The following ST3GAL6 variants were observed in gnomAD, a reference collection of about 807,000 sequenced individuals.
ST3GAL6 encodes ST3 beta-galactoside alpha-2,3-sialyltransferase 6, also known as type 2 lactosamine alpha-2,3-sialyltransferase.
Under a neutral mutation model 40.5 loss-of-function variants are expected in ST3GAL6, and 31 were observed. The ratio of observed to expected loss-of-function variants is 0.77; its 90% confidence interval spans 0.58 to 1.03. The LOEUF (loss-of-function observed/expected upper bound fraction) is 1.03, where lower values mean the gene tolerates loss of function less well. Ranked by LOEUF, ST3GAL6 falls within the 50% of genes least tolerant of loss-of-function variation. The probability of loss-of-function intolerance (pLI) is 0.00; values close to 1 mark genes in which losing one functional copy is unlikely to be tolerated. For missense variants in ST3GAL6, 357 were observed against 393.2 expected, an observed-to-expected ratio of 0.91 and a Z score of 0.78; for synonymous variants, 129 against 136.9, an observed-to-expected ratio of 0.94 and a Z score of 0.40.
At chr3:98,783,034 A>C in intron 5 of ST3GAL6, 3 of 285,738 alleles carry the variant, frequency 1.0e-5, no homozygotes, top group South Asian at 1.0e-4. Context: ...GGGGACCATC[A>C]TCCCCTCCCT....
intron 1 of ST3GAL6, among the ~76,000 whole-genome samples, chr3:98,764,116 G>T (rs1021932469): frequency 6.6e-6 from 1 of 152,100 alleles, no homozygotes; most frequent in Non-Finnish European, 1.5e-5. Context: ...TTTCTTCCTT[G>T]GTGTTGCATA....
At chr3:98,788,489 C>T (rs759387729) in intron 8 of ST3GAL6, 26 bp downstream of exon 8, 1 of 1,578,230 alleles carries the variant, frequency 6.3e-7, no homozygotes, top group African/African-American at 1.4e-5. Flanking sequence ...TGCATGGTTT[C>T]AAACTACAGA....
intron 1 of ST3GAL6, among the ~76,000 whole-genome samples, chr3:98,744,168 A>G (rs1457417634): frequency 1.3e-5 from 2 of 152,224 alleles, no homozygotes; most frequent in African/African-American, 4.8e-5. Flanking sequence ...GGAAGAGGCA[A>G]GGAAAGATTC....
intron 1 of ST3GAL6, among the ~76,000 whole-genome samples, chr3:98,748,981 A>G (rs973485628): frequency 2.0e-5 from 3 of 152,174 alleles, no homozygotes; most frequent in African/African-American, 4.8e-5. Flanking sequence ...TCACCCTACA[A>G]TTGGAACTTG....
At chr3:98,771,116 T>G (rs1491002918) in intron 3 of ST3GAL6, 160 bp downstream of exon 3, 27 of 1,517,652 alleles carry the variant, frequency 1.8e-5, no homozygotes, top group Non-Finnish European at 1.9e-5. Flanking sequence ...TTTTTGTGCT[T>G]TTAGTCAGAG....
At chr3:98,783,861 A>C in intron 5 of ST3GAL6, 1 of 203,840 alleles carries the variant, frequency 4.9e-6, no homozygotes, top group Non-Finnish European at 8.7e-6. Flanking sequence ...AAACCTTACA[A>C]TCAGATGAAC....
At chr3:98,743,792 A>G (rs1453140195) in intron 1 of ST3GAL6, among the ~76,000 whole-genome samples, 3 of 152,068 alleles carry the variant, frequency 2.0e-5, no homozygotes, top group Non-Finnish European at 4.4e-5. Flanking sequence ...TCTCTTTCAC[A>G]TTAATTAGCG....
Position 98,793,817 on chromosome 3 carries a change from T to C in ST3GAL6, c.*56T>C. 1 of 1,156,560 alleles carries C rather than the reference T, an allele frequency of 8.6e-7. No individual in the cohort carries two copies. Among genetic ancestry groups the C allele is most frequent in the Non-Finnish European group, 1.2e-6 (1 of 804,420 alleles). The allele number at this position is 1,156,560 out of a possible 1,614,324, so 71.6% of individuals were successfully genotyped here. On this transcript the variant is annotated 3_prime_UTR_variant, in exon 10 of 10. Transcript: ENST00000483910. Reference sequence around the variant, plus strand: ...TGTTAGTTTTATTTTTGTACTGCAATTTTTAGTTTAAAATATGTTGGATGC... The same window carrying C: ...TGTTAGTTTTATTTTTGTACTGCAACTTTTAGTTTAAAATATGTTGGATGC...
intron 1 of ST3GAL6, among the ~76,000 whole-genome samples, chr3:98,755,809 C>A (rs1183837345): frequency 6.6e-6 from 1 of 150,502 alleles, no homozygotes; most frequent in Non-Finnish European, 1.5e-5. Context: ...AGATTTTTTT[C>A]ATTTTTTTTT....
chr3:98,744,055 G>C (rs1936349662), intron 1 of ST3GAL6, among the ~76,000 whole-genome samples: 2 of 152,172 alleles, frequency 1.3e-5, no homozygotes, highest in South Asian at 4.1e-4. Context: ...TTAGTGTCCA[G>C]GTGAAGACAG....
At chr3:98,746,929 C>CA (rs1455298983) in intron 1 of ST3GAL6, among the ~76,000 whole-genome samples, 2 of 152,150 alleles carry the variant, frequency 1.3e-5, no homozygotes, top group African/African-American at 4.8e-5. Context: ...GTAAGTAGAT[C>CA]ATTGTTTATA....
At chr3:98,780,542 G>A (rs936414953) in intron 5 of ST3GAL6, among the ~76,000 whole-genome samples, 4 of 151,910 alleles carry the variant, frequency 2.6e-5, no homozygotes, top group South Asian at 2.1e-4. Flanking sequence ...TGGAATGGGC[G>A]TTCTAAATGA....
At chr3:98,763,840 C>T (rs1938051143) in intron 1 of ST3GAL6, among the ~76,000 whole-genome samples, 1 of 152,066 alleles carries the variant, frequency 6.6e-6, no homozygotes, top group African/African-American at 2.4e-5. Flanking sequence ...AAGCACCCAG[C>T]AGCAGGAACC....
intron 1 of ST3GAL6, chr3:98,733,249 C>A: frequency 1.0e-6 from 1 of 980,864 alleles, no homozygotes. Context: ...CCGCAGCCAC[C>A]GCCGAGAGGG....
intron 8 of ST3GAL6, among the ~76,000 whole-genome samples, chr3:98,788,785 C>G (rs1940974034): frequency 6.6e-6 from 1 of 152,184 alleles, no homozygotes; most frequent in African/African-American, 2.4e-5. Context: ...ACTGGGTGGG[C>G]TGACGGGCAG....
At chr3:98,787,270 AT>A (rs1940817204) in intron 6 of ST3GAL6, among the ~76,000 whole-genome samples, 1 of 152,218 alleles carries the variant, frequency 6.6e-6, no homozygotes, top group Admixed American at 6.5e-5. Flanking sequence ...TGGGTACAAC[AT>A]TTTGAAAGTC....
intron 5 of ST3GAL6, among the ~76,000 whole-genome samples, chr3:98,776,637 T>C (rs1367986776): frequency 6.6e-6 from 1 of 152,236 alleles, no homozygotes; most frequent in African/African-American, 2.4e-5. Flanking sequence ...CTGATATTTA[T>C]ATAATTGCTG....
chr3:98,747,563 A>G (rs1464174214), intron 1 of ST3GAL6, among the ~76,000 whole-genome samples: 1 of 152,202 alleles, frequency 6.6e-6, no homozygotes, highest in African/African-American at 2.4e-5. Flanking sequence ...TGGCTCCAAA[A>G]TGACATTTAG....
At chr3:98,790,155 A>C (rs574746938) in intron 8 of ST3GAL6, among the ~76,000 whole-genome samples, 2 of 152,222 alleles carry the variant, frequency 1.3e-5, no homozygotes, top group East Asian at 1.9e-4. Context: ...CAATAGTTGG[A>C]AGATGATATA....
Sources: gnomAD v4.1 joint callset for allele counts (sites outside exome capture counted in the v4.1 genomes callset) on GRCh38, gnomAD v4.1.1 for gene constraint, MANE v1.5 for transcripts, NCBI Gene and HGNC (gene_info 2026-07-23, HGNC 2026-07-21) for gene names.